The following ASAP1 variants were observed in gnomAD, a reference collection of about 807,000 sequenced individuals.
The protein encoded by ASAP1 is arf-GAP with SH3 domain, ANK repeat and PH domain-containing protein 1.
A neutral mutation model predicts 145.2 loss-of-function variants in ASAP1; 43 were observed. That is an observed-to-expected ratio of 0.30 (90% CI 0.23 to 0.38). ASAP1 has a LOEUF of 0.38. Among genes scored for constraint, ASAP1 ranks in the 10% least tolerant of loss-of-function variants. ASAP1 has a pLI of 1.00. For missense variants in ASAP1, 1,018 were observed against 1,355.3 expected (o/e 0.75, Z 3.91); for synonymous variants, 546 against 515.5 (o/e 1.06, Z -0.80).
intron 3 of ASAP1, among the ~76,000 whole-genome samples, chr8:130,273,630 G>T (rs1820711740): frequency 6.6e-6 from 1 of 152,178 alleles, no homozygotes; most frequent in African/African-American, 2.4e-5. Context: ...CATCCTGATG[G>T]AGGTTGTCTA....
Position 130,116,989 on chromosome 8 carries a change from G to T in ASAP1, c.1887C>A (p.Asn629Lys). 1 of 1,600,440 alleles carries T rather than the reference G, an allele frequency of 6.2e-7. No homozygotes were observed. The highest frequency in any genetic ancestry group is 8.5e-7 in the Non-Finnish European group (1 of 1,174,698). The change falls in exon 21 of 30, where the codon AAC becomes AAA. Residue 629 changes from asparagine (N) to lysine (K), a missense_variant. Asn to Lys is a moderately conservative substitution (Grantham distance 94, BLOSUM62 0). Around this residue, in one of 9 missense-constraint regions of ASAP1, gnomAD observed 353 missense variants for 375.4 expected, o/e 0.94. Transcript: ENST00000518721. ...TTCCCAGGGCCGTCTGCTTATCCAG[G>T]TTCCCACTGAAAAATTAGATGATGA... is the stretch of plus-strand genomic sequence containing the variant. ...LVDFLVQNCGNLDKQTALGNT... is the reference protein window; with the variant it reads ...LVDFLVQNCGKLDKQTALGNT...
At chr8:130,193,604 T>G (rs1236825228) in intron 5 of ASAP1, among the ~76,000 whole-genome samples, 1 of 152,200 alleles carries the variant, frequency 6.6e-6, no homozygotes, top group African/African-American at 2.4e-5. Context: ...AGACAGTGAT[T>G]ATAAATAACC....
intron 11 of ASAP1, 34 bp from the exon 12 acceptor site, chr8:130,159,998 T>C: frequency 6.5e-7 from 1 of 1,546,660 alleles, no homozygotes. Flanking sequence ...AAACAAAAAC[T>C]AGAGACAATT....
intron 3 of ASAP1, among the ~76,000 whole-genome samples, chr8:130,296,216 T>C (rs1238747657): frequency 6.6e-6 from 1 of 152,188 alleles, no homozygotes; most frequent in Non-Finnish European, 1.5e-5. Context: ...GACAAGACAG[T>C]CCCCACTCTG....
At chr8:130,056,043 G>A (rs1238194914) in intron 29 of ASAP1, among the ~76,000 whole-genome samples, 4 of 152,316 alleles carry the variant, frequency 2.6e-5, no homozygotes, top group African/African-American at 9.6e-5. Context: ...CCCATTCCCC[G>A]CAGGTATCTC....
At chr8:130,249,652 T>C (rs1348922418) in intron 3 of ASAP1, among the ~76,000 whole-genome samples, 1 of 152,158 alleles carries the variant, frequency 6.6e-6, no homozygotes, top group African/African-American at 2.4e-5. Context: ...TATAATGACA[T>C]TTTCCTCACA....
chr8:130,277,539 A>G (rs1201126694), intron 3 of ASAP1, among the ~76,000 whole-genome samples: 1 of 152,152 alleles, frequency 6.6e-6, no homozygotes, highest in Non-Finnish European at 1.5e-5. Context: ...AACATTGAAA[A>G]CTCCTAAAGA....
Position 130,092,015 on chromosome 8 carries a change from G to T in ASAP1, c.2530C>A (p.Pro844Thr). The T allele has an allele frequency of 6.4e-7, 1 of 1,571,282 alleles. No homozygotes were observed. The highest frequency in any genetic ancestry group is 8.6e-7 in the Non-Finnish European group (1 of 1,163,562). The change falls in exon 25 of 30, where the codon CCA (proline) becomes ACA (threonine). Residue 844 changes from proline to threonine, a missense_variant. Pro to Thr is a conservative substitution (Grantham distance 38). Around this residue, in one of 9 missense-constraint regions of ASAP1, gnomAD observed 353 missense variants for 375.4 expected, o/e 0.94. Transcript: ENST00000518721. ...TTGTTTGGGGGCCCATGAGGTAGTGGGCTGGGAGGGTCGGATAGGGTTCTC... is the reference window on the plus strand; with the variant it reads ...TTGTTTGGGGGCCCATGAGGTAGTGTGCTGGGAGGGTCGGATAGGGTTCTC... ...HKRTLSDPPS[P>T]LPHGPPNKGA...
intron 3 of ASAP1, among the ~76,000 whole-genome samples, chr8:130,347,693 C>T (rs984937190): frequency 6.6e-6 from 1 of 152,182 alleles, no homozygotes; most frequent in African/African-American, 2.4e-5. Flanking sequence ...AGGGTGGTCT[C>T]CTGACCCAAG....
At chr8:130,402,051 G>T in intron 1 of ASAP1, 81 bp from the exon 2 acceptor site, 1 of 884,662 alleles carries the variant, frequency 1.1e-6, no homozygotes. Context: ...ACCAAGATCG[G>T]ATTTCATATG....
chr8:130,104,685 A>C (rs2097534161), intron 24 of ASAP1, among the ~76,000 whole-genome samples: 1 of 152,230 alleles, frequency 6.6e-6, no homozygotes, highest in Admixed American at 6.5e-5. Context: ...TTCAAGTGCT[A>C]TTTCTTTATG....
chr8:130,134,849 C>T (rs1384213881), intron 14 of ASAP1, among the ~76,000 whole-genome samples: 2 of 151,990 alleles, frequency 1.3e-5, no homozygotes, highest in Non-Finnish European at 2.9e-5. Context: ...TTAAAGAAAT[C>T]TCCTTTTCAG....
At chr8:130,387,450 C>T (rs1828070706) in intron 2 of ASAP1, among the ~76,000 whole-genome samples, 1 of 151,746 alleles carries the variant, frequency 6.6e-6, no homozygotes, top group South Asian at 2.1e-4. Flanking sequence ...GCAGGAGAAT[C>T]ACTTGGACCC....
chr8:130,197,393 C>T (rs1353743250), intron 5 of ASAP1, among the ~76,000 whole-genome samples: 2 of 152,142 alleles, frequency 1.3e-5, no homozygotes, highest in Admixed American at 6.5e-5. Flanking sequence ...CATGCCATTG[C>T]GCTCCAGCCT....
intron 7 of ASAP1, 107 bp downstream of exon 7, chr8:130,187,129 T>G (rs569941414): frequency 1.1e-6 from 1 of 908,416 alleles, no homozygotes; most frequent in African/African-American, 1.7e-5. Flanking sequence ...TGAGAAGTTA[T>G]TAGTTAAGGG....
intron 12 of ASAP1, among the ~76,000 whole-genome samples, chr8:130,156,048 C>T (rs2097657705): frequency 2.6e-5 from 4 of 152,148 alleles, no homozygotes; most frequent in South Asian, 2.1e-4. Flanking sequence ...TGCCCACTTT[C>T]GTACATATAA....
intron 3 of ASAP1, among the ~76,000 whole-genome samples, chr8:130,240,644 A>C (rs1818468111): frequency 6.6e-6 from 1 of 152,166 alleles, no homozygotes; most frequent in African/African-American, 2.4e-5. Flanking sequence ...GCAGTTGGAC[A>C]ACTCAAAAGA....
At chr8:130,379,933 T>C (rs1490630316) in intron 2 of ASAP1, among the ~76,000 whole-genome samples, 3 of 152,148 alleles carry the variant, frequency 2.0e-5, no homozygotes, top group Non-Finnish European at 4.4e-5. Context: ...CTCCTTGTCC[T>C]CAGGCTCAAG....
intron 15 of ASAP1, among the ~76,000 whole-genome samples, chr8:130,128,905 A>G (rs1293967896): frequency 6.6e-6 from 1 of 152,216 alleles, no homozygotes. Context: ...AAAAAAACCT[A>G]TTATATGATT....
Sources: gnomAD v4.1 joint callset for allele counts (sites outside exome capture counted in the v4.1 genomes callset) on GRCh38, gnomAD v4.1.1 for gene constraint, gnomAD v4.1.1 regional missense constraint, MANE v1.5 for transcripts, NCBI Gene and HGNC (gene_info 2026-07-23, HGNC 2026-07-21) for gene names.